The following PHF21B variants were observed in gnomAD, a reference collection of about 807,000 sequenced individuals.
PHF21B encodes the protein PHD finger protein 21B, also known as PHD finger protein 4.
In PHF21B, 22 loss-of-function variants were observed where a neutral mutation model predicts 62.2. That is an observed-to-expected ratio of 0.35 (90% CI 0.25 to 0.51). PHF21B has a LOEUF of 0.51. Ranked by LOEUF, PHF21B falls within the 20% of genes least tolerant of loss-of-function variation. The probability of loss-of-function intolerance (pLI) is 0.97; values close to 1 mark genes in which losing one functional copy is unlikely to be tolerated. For missense variants in PHF21B, 701 were observed against 707.9 expected (o/e 0.99, Z 0.11); for synonymous variants, 341 against 314.7 (o/e 1.08, Z -0.88).
rs749063872 is a variant in PHF21B, at chr22:44,883,049, A to G, written c.*37T>C. Reference sequence around the variant, plus strand: ...CCCAGGCTGTGTAAGCAGGGTCCCAATAACTTTCCGTGGGTATGAAGACTG... The same window carrying G: ...CCCAGGCTGTGTAAGCAGGGTCCCAGTAACTTTCCGTGGGTATGAAGACTG... On this transcript the variant is annotated 3_prime_UTR_variant, in exon 13 of 13. Coordinates refer to ENST00000313237, the MANE Select transcript of PHF21B (RefSeq NM_138415.5). 2 of 1,570,982 alleles carry G rather than the reference A, an allele frequency of 1.3e-6. No individual in the cohort carries two copies. The highest frequency in any genetic ancestry group is 1.7e-6 in the Non-Finnish European group (2 of 1,159,288).
chr22:44,946,164 A>G (rs1214634471), intron 2 of PHF21B, among the ~76,000 whole-genome samples: 1 of 151,910 alleles, frequency 6.6e-6, no homozygotes. Flanking sequence ...GGCTTCCCAG[A>G]GGAGGTGCAC....
intron 2 of PHF21B, among the ~76,000 whole-genome samples, chr22:44,944,638 C>G (rs760728811): frequency 1.3e-5 from 2 of 152,198 alleles, no homozygotes; most frequent in Non-Finnish European, 2.9e-5. Context: ...CAGGGCCACG[C>G]TGGCCCATCC....
rs540316318 is a variant in PHF21B, at chr22:44,980,837, C to T, written c.120+27708G>A. 3.6e-4 allele frequency among the ~76,000 whole-genome samples: 55 copies of T among 152,284 alleles called. 1 individual carries two copies. The highest frequency in any genetic ancestry group is 1.8e-3 in the Admixed American group (28 of 15,298). On this transcript the variant is annotated intron_variant, in intron 2 of 12. Coordinates refer to ENST00000313237, the MANE Select transcript of PHF21B (RefSeq NM_138415.5). ...GGTAACATGCCCTCTCCGTCTAACC[C>T]GGGACCAGGAAGCAGCATCTGTCAC...
intron 2 of PHF21B, among the ~76,000 whole-genome samples, chr22:44,974,776 A>T (rs950706806): frequency 6.6e-6 from 1 of 152,238 alleles, no homozygotes; most frequent in Non-Finnish European, 1.5e-5. Context: ...GAGCGTGAAT[A>T]TGATTTAGAT....
At chr22:44,927,500 T>G (rs956114197) in intron 2 of PHF21B, among the ~76,000 whole-genome samples, 1 of 151,410 alleles carries the variant, frequency 6.6e-6, no homozygotes, top group South Asian at 2.1e-4. Context: ...TGGGGAAGAG[T>G]CTGCTGCAAA....
intron 2 of PHF21B, among the ~76,000 whole-genome samples, chr22:44,961,136 T>C (rs1207430278): frequency 4.0e-5 from 6 of 151,812 alleles, no homozygotes; most frequent in Non-Finnish European, 1.5e-5. Flanking sequence ...TTTGTATTTT[T>C]AGTAGAGATG....
intron 2 of PHF21B, among the ~76,000 whole-genome samples, chr22:44,940,793 G>C (rs2071941033): frequency 6.6e-6 from 1 of 152,186 alleles, no homozygotes; most frequent in Non-Finnish European, 1.5e-5. Flanking sequence ...TCAGGGACTA[G>C]AGGCAAACTC....
rs867367193 is a variant in PHF21B, at chr22:44,949,318, A to G, written c.121-28828T>C. 1.1e-3 allele frequency among the ~76,000 whole-genome samples: 166 copies of G among 144,864 alleles called. 3 individuals carry two copies. Among genetic ancestry groups the G allele is most frequent in the Middle Eastern group, 3.5e-3 (1 of 284 alleles). ...CTCCATCTCAAAAAAAAGAAAAAAA[A>G]AAAAAAAGAAAAAAGAGAGCTGAGG... On this transcript the variant is annotated intron_variant, in intron 2 of 12. Transcript: ENST00000313237.
intron 1 of PHF21B, chr22:45,008,941 GAACAAAGAGCCAAGTA>G: frequency 9.1e-7 from 1 of 1,096,456 alleles, no homozygotes; most frequent in Non-Finnish European, 1.1e-6. Context: ...GAGGGGGGAG[GAACAAAGAGCCAAGTA>G]AACACGGCGA....
intron 2 of PHF21B, among the ~76,000 whole-genome samples, chr22:44,973,956 AAAC>A (rs1159052414): frequency 6.6e-6 from 1 of 152,202 alleles, no homozygotes; most frequent in Non-Finnish European, 1.5e-5. Context: ...GAATTAGCAG[AAAC>A]AACACTAGGG....
chr22:44,908,199 C>T (rs183445423), intron 5 of PHF21B, among the ~76,000 whole-genome samples: 136 of 152,276 alleles, frequency 8.9e-4, no homozygotes, highest in African/African-American at 3.0e-3. Context: ...CGAGGCTTCA[C>T]GGCATAGACT....
chr22:44,881,544 G>C lies in PHF21B; in HGVS notation c.*1542C>G, dbSNP rs2070741649. ...ATATAAAAATCTTGTTCACCCAGTG[G>C]TAAGTGTATTAAAATAGATCTGTAT... is the stretch of plus-strand genomic sequence containing the variant. On this transcript the variant is annotated 3_prime_UTR_variant, in exon 13 of 13. Transcript: ENST00000313237. 1 of 152,674 alleles carries C rather than the reference G, an allele frequency of 6.5e-6. No individual in the cohort carries two copies. Among genetic ancestry groups the C allele is most frequent in the Non-Finnish European group, 1.5e-5 (1 of 68,044 alleles). 9.5% of individuals were successfully genotyped at this position (152,674 alleles called of 1,614,324 possible).
At chr22:44,929,611 T>C (rs59555817) in intron 2 of PHF21B, among the ~76,000 whole-genome samples, 9,200 of 152,250 alleles carry the variant, frequency 0.06, 897 homozygotes, top group African/African-American at 0.2. Context: ...GCCAGACTCA[T>C]TGCTCCCCCA....
intron 5 of PHF21B, among the ~76,000 whole-genome samples, chr22:44,912,360 G>A (rs1362442722): frequency 1.3e-5 from 2 of 152,180 alleles, no homozygotes; most frequent in African/African-American, 4.8e-5. Flanking sequence ...AAATGATATG[G>A]TTTGGCTGTG....
chr22:44,884,847 T>G (rs55800311), intron 12 of PHF21B, among the ~76,000 whole-genome samples: 2 of 151,354 alleles, frequency 1.3e-5, no homozygotes, highest in African/African-American at 4.9e-5. Context: ...ACCATTATCA[T>G]ATTCCCATCA....
intron 2 of PHF21B, among the ~76,000 whole-genome samples, chr22:44,970,775 T>C (rs2072621989): frequency 6.6e-6 from 1 of 152,134 alleles, no homozygotes. Context: ...CTAAGCTCTT[T>C]GGAGACTATA....
At chr22:44,907,042 T>C (rs2071263868) in intron 5 of PHF21B, among the ~76,000 whole-genome samples, 1 of 152,206 alleles carries the variant, frequency 6.6e-6, no homozygotes, top group Non-Finnish European at 1.5e-5. Context: ...TACATACATG[T>C]CACGCGTTTT....
chr22:44,919,178 G>C (rs572957221), intron 3 of PHF21B, among the ~76,000 whole-genome samples: 3 of 151,106 alleles, frequency 2.0e-5, no homozygotes, highest in Non-Finnish European at 4.4e-5. Flanking sequence ...AGTCTCCTCA[G>C]GGCTCCCGCC....
At chr22:44,924,916 A>G (rs994991143) in intron 2 of PHF21B, among the ~76,000 whole-genome samples, 4 of 152,236 alleles carry the variant, frequency 2.6e-5, no homozygotes, top group African/African-American at 9.6e-5. Flanking sequence ...ACGCTCACCA[A>G]CAAGTACACG....
Sources: allele counts gnomAD v4.1 joint callset (sites outside exome capture counted in the v4.1 genomes callset), GRCh38; gene constraint gnomAD v4.1.1; transcripts MANE v1.5; gene names NCBI Gene and HGNC (gene_info 2026-07-23, HGNC 2026-07-21).